Variants in CACNA1H observed in about 807,000 individuals in gnomAD.
CACNA1H encodes the protein calcium voltage-gated channel subunit alpha1 H, also known as voltage-dependent T-type calcium channel subunit alpha-1H.
Under a neutral mutation model 192.5 loss-of-function variants are expected in CACNA1H, and 149 were observed. That is an observed-to-expected ratio of 0.77 (90% CI 0.68 to 0.89). The LOEUF (loss-of-function observed/expected upper bound fraction) is 0.89. Among genes scored for constraint, CACNA1H ranks in the 40% least tolerant of loss-of-function variants. The pLI is 0.00. For synonymous variants in CACNA1H, 2,202 were observed against 1,475.2 expected, an observed-to-expected ratio of 1.49 and a Z score of -11.29; for missense variants, 4,257 against 3,423.5, an observed-to-expected ratio of 1.24 and a Z score of -6.08.
At chr16:1,175,260 G>A (rs950693359) in intron 2 of CACNA1H, among the ~76,000 whole-genome samples, 1 of 152,216 alleles carries the variant, frequency 6.6e-6, no homozygotes, top group Non-Finnish European at 1.5e-5. Flanking sequence ...TGTGTGTGTA[G>A]GTGTGCCTAC....
chr16:1,210,143 G>A lies in CACNA1H; in HGVS notation c.3845+8G>A, dbSNP rs200291203. On this transcript the variant is annotated splice_region_variant and intron_variant, in intron 18 of 34. Coordinates refer to ENST00000348261, the MANE Select transcript of CACNA1H (RefSeq NM_021098.3). Reference sequence around the variant, plus strand: ...CTTCTCCCCACAGAACCGGTGAGGCGGCCGGGTCAGGAGGCTGCATGGCTA... The same window carrying A: ...CTTCTCCCCACAGAACCGGTGAGGCAGCCGGGTCAGGAGGCTGCATGGCTA... 7.5e-5 allele frequency: 116 copies of A among 1,550,358 alleles called. No homozygotes were observed. In the African/African-American group the frequency reaches 1.2e-3, roughly 16 times the overall value.
intron 2 of CACNA1H, among the ~76,000 whole-genome samples, chr16:1,159,234 C>A (rs530717290): frequency 5.8e-4 from 88 of 152,288 alleles, no homozygotes; most frequent in African/African-American, 2.0e-3. Flanking sequence ...GCCCTGTGAC[C>A]GAGGCATGGT....
intron 2 of CACNA1H, among the ~76,000 whole-genome samples, chr16:1,164,329 T>C (rs1351585266): frequency 1.3e-5 from 2 of 152,114 alleles, no homozygotes; most frequent in Admixed American, 1.3e-4. Context: ...GTCCTGTACG[T>C]ACTGTTTTTT....
chr16:1,205,513 C>T (rs891626667), intron 11 of CACNA1H, among the ~76,000 whole-genome samples: 3 of 152,176 alleles, frequency 2.0e-5, no homozygotes, highest in African/African-American at 4.8e-5. Flanking sequence ...TCAGCTGCGT[C>T]TCAGATGTTT....
At chr16:1,194,531 T>TC (rs1458833624) in intron 2 of CACNA1H, among the ~76,000 whole-genome samples, 1 of 152,014 alleles carries the variant, frequency 6.6e-6, no homozygotes, top group South Asian at 2.1e-4. Flanking sequence ...GCCCCGACAT[T>TC]CCCCCTGCCC....
chr16:1,218,004 C>A lies in CACNA1H; in HGVS notation c.5409C>A (p.Arg1803=). The change falls in exon 32 of 35, where the codon CGC becomes CGA. Residue 1803 remains arginine (R), a synonymous_variant. Transcript: ENST00000348261. ...NFGMAFLTLF[R]VSTGDNWNGI... is the part of the protein sequence containing the mutation. ...GCATGGCCTTCCTCACGCTGTTCCG[C>A]GTGTCCACGGGGGACAACTGGAACG... 3 of 1,601,894 alleles carry A rather than the reference C, an allele frequency of 1.9e-6. No individual in the cohort carries two copies. Among genetic ancestry groups the A allele is most frequent in the Non-Finnish European group, 2.6e-6 (3 of 1,174,828 alleles).
At chr16:1,213,116 G>A (rs1472966700) in intron 26 of CACNA1H, among the ~76,000 whole-genome samples, 4 of 152,242 alleles carry the variant, frequency 2.6e-5, no homozygotes, top group African/African-American at 4.8e-5. Flanking sequence ...CGCAGATGGC[G>A]GGCGCCGACT....
intron 4 of CACNA1H, 85 bp from the exon 5 acceptor site, chr16:1,195,841 C>T (rs1017986326): frequency 9.0e-7 from 1 of 1,111,016 alleles, no homozygotes; most frequent in Admixed American, 1.7e-5. Context: ...CGGTTCTATG[C>T]CTGCCCACCC....
Position 1,211,143 on chromosome 16 carries a change from C to CA in CACNA1H, c.4224-24dup, listed in dbSNP as rs762560429. On this transcript the variant is annotated intron_variant, in intron 21 of 34. Transcript: ENST00000348261. ...TGGCAGCTGCTGCCATAGATGACTGCAGTGTATCCTTCACTCCCCTCCAGG... is the reference window on the plus strand; with the variant it reads ...TGGCAGCTGCTGCCATAGATGACTGCAAGTGTATCCTTCACTCCCCTCCAGG... 2.5e-6 allele frequency: 4 copies of CA among 1,610,256 alleles called. No homozygotes were observed. In the South Asian group the frequency reaches 4.4e-5, roughly 18 times the overall value.
intron 24 of CACNA1H, 37 bp downstream of exon 24, chr16:1,211,842 T>G (rs1448949368): frequency 5.0e-6 from 8 of 1,610,062 alleles, no homozygotes; most frequent in Non-Finnish European, 5.9e-6. Context: ...CACCTCAGGG[T>G]CTCCCGCGAG....
chr16:1,221,086 C>T lies in CACNA1H; in HGVS notation c.*92C>T. ...AGGCAGAACCCTGCATGGACCCTGA[C>T]TTGGGTCCCGTCGTGAGCAGAAAGG... is the stretch of plus-strand genomic sequence containing the variant. On this transcript the variant is annotated 3_prime_UTR_variant, in exon 35 of 35. Transcript: ENST00000348261. The T allele has an allele frequency of 1.0e-6, 1 of 997,530 alleles. No individual in the cohort carries two copies. Among genetic ancestry groups the T allele is most frequent in the Non-Finnish European group, 1.4e-6 (1 of 690,724 alleles). 61.8% of individuals were successfully genotyped at this position (997,530 alleles called of 1,614,324 possible).
chr16:1,201,256 C>T (rs1358680429), intron 8 of CACNA1H, among the ~76,000 whole-genome samples: 2 of 152,162 alleles, frequency 1.3e-5, no homozygotes. Flanking sequence ...ACGTCCCCAG[C>T]TTGTTCTGAG....
intron 24 of CACNA1H, 58 bp downstream of exon 24, chr16:1,211,863 G>T: frequency 6.2e-7 from 1 of 1,609,594 alleles, no homozygotes; most frequent in African/African-American, 1.3e-5. Context: ...CGGCTGCCTT[G>T]GCCTCTGGGG....
rs1245584900 is a variant in CACNA1H at position 1,186,136 on chromosome 16, G to C, written c.300-8836G>C. 1.4e-5 allele frequency among the ~76,000 whole-genome samples: 2 copies of C among 146,676 alleles called. 1 individual carries two copies. Among genetic ancestry groups the C allele is most frequent in the African/African-American group, 5.1e-5 (2 of 39,158 alleles). On this transcript the variant is annotated intron_variant, in intron 2 of 34. Coordinates refer to ENST00000348261, the MANE Select transcript of CACNA1H (RefSeq NM_021098.3). ...TAGGGGCCGGAGGCGGGGTGTGTAC[G>C]GGGCGGGTGACTAGACGGTCGGCGT...
chr16:1,195,589 A>G (rs1470887574), intron 4 of CACNA1H, 24 bp downstream of exon 4: 2 of 1,484,868 alleles, frequency 1.3e-6, no homozygotes, highest in Admixed American at 3.8e-5. Context: ...GGGAGAGGCC[A>G]CAGCGCTGGC....
At chr16:1,153,503 C>T (rs910604799) in intron 1 of CACNA1H, 33 bp downstream of exon 1, 9 of 271,272 alleles carry the variant, frequency 3.3e-5, no homozygotes, top group African/African-American at 1.6e-4. Context: ...GCCCGGGACC[C>T]TCTTCAACTT....
Position 1,220,595 on chromosome 16 carries a change from G to T in CACNA1H, c.6663G>T (p.Pro2221=). 2 of 1,555,060 alleles carry T rather than the reference G, an allele frequency of 1.3e-6. No individual in the cohort carries two copies. The highest frequency in any genetic ancestry group is 1.7e-6 in the Non-Finnish European group (2 of 1,157,010). The change falls in exon 35 of 35, where the codon CCG becomes CCT. Residue 2221 remains proline (P), a synonymous_variant. Coordinates refer to ENST00000348261, the MANE Select transcript of CACNA1H (RefSeq NM_021098.3). ...GGSTTLRRRT[P]SCEATPHRDS... is the part of the protein sequence containing the mutation. ...GCACCACACTGAGGCGCAGGACCCCGTCCTGTGAGGCCACGCCTCACAGGG... is the reference window on the plus strand; with the variant it reads ...GCACCACACTGAGGCGCAGGACCCCTTCCTGTGAGGCCACGCCTCACAGGG...
rs1317396227 is a variant in CACNA1H at position 1,221,688 on chromosome 16, CAAT to C, written c.*698_*700del. 3.3e-6 allele frequency: 4 copies of C among 1,210,000 alleles called. No individual in the cohort carries two copies. The highest frequency in any genetic ancestry group is 2.9e-5 in the Admixed American group (1 of 34,610). The allele number at this position is 1,210,000 out of a possible 1,614,324, so 75.0% of individuals were successfully genotyped here. A position where few individuals can be genotyped will look rare whatever the true frequency, so the allele number is the denominator to read the frequency against. On this transcript the variant is annotated 3_prime_UTR_variant, in exon 35 of 35. Coordinates refer to ENST00000348261, the MANE Select transcript of CACNA1H (RefSeq NM_021098.3). ...GCTTTTAAATTCAGGTTAAATGTTGCAATAATCTGATGCAGAAGACTCAGCTTC... is the reference window on the plus strand; with the variant it reads ...GCTTTTAAATTCAGGTTAAATGTTGCAATCTGATGCAGAAGACTCAGCTTC...
chr16:1,186,124 C>G, intron 2 of CACNA1H, among the ~76,000 whole-genome samples: 1 of 114,904 alleles, frequency 8.7e-6, no homozygotes, highest in Admixed American at 9.0e-5. Context: ...GGGCCGGAGG[C>G]GGGGTGTGTA....
Sources: gnomAD v4.1 joint callset for allele counts (sites outside exome capture counted in the v4.1 genomes callset) on GRCh38, gnomAD v4.1.1 for gene constraint, MANE v1.5 for transcripts, NCBI Gene and HGNC (gene_info 2026-07-23, HGNC 2026-07-21) for gene names.